Variants in PAPPA observed in about 807,000 individuals in gnomAD.
The protein encoded by PAPPA is pappalysin 1, also known as pappalysin-1.
PAPPA carries 60 observed loss-of-function variants against 164.0 expected under a neutral mutation model. The ratio of observed to expected loss-of-function variants is 0.37; its 90% confidence interval spans 0.30 to 0.45. The LOEUF is 0.45. PAPPA is among the 20% of genes least tolerant of loss of function. The pLI, the probability that PAPPA is intolerant of heterozygous loss-of-function variation, is 1.00. For synonymous variants in PAPPA, 875 were observed against 814.1 expected (o/e 1.07, Z -1.27); for missense variants, 1,782 against 2,087.3 (o/e 0.85, Z 2.85).
At chr9:116,322,359 G>A (rs2118929739) in intron 10 of PAPPA, among the ~76,000 whole-genome samples, 1 of 144,804 alleles carries the variant, frequency 6.9e-6, no homozygotes, top group Non-Finnish European at 1.5e-5. Flanking sequence ...GCAGTGAGCT[G>A]AGATCGTGCC....
chr9:116,261,106 G>A (rs1371402631), intron 7 of PAPPA, among the ~76,000 whole-genome samples: 2 of 152,198 alleles, frequency 1.3e-5, no homozygotes, highest in South Asian at 2.1e-4. Context: ...ATCTCACAAG[G>A]AGGATAATTA....
intron 10 of PAPPA, among the ~76,000 whole-genome samples, chr9:116,315,623 A>T (rs1845778631): frequency 6.6e-6 from 1 of 152,164 alleles, no homozygotes; most frequent in South Asian, 2.1e-4. Flanking sequence ...TCCTACAGAG[A>T]TGGATGGAAA....
chr9:116,339,831 A>G (rs1035839394), intron 13 of PAPPA, among the ~76,000 whole-genome samples: 1 of 152,076 alleles, frequency 6.6e-6, no homozygotes, highest in Non-Finnish European at 1.5e-5. Context: ...CTCTCCAGCT[A>G]TCCTCTGTTA....
chr9:116,250,012 TA>T (rs1844841165), intron 7 of PAPPA, among the ~76,000 whole-genome samples: 1 of 129,342 alleles, frequency 7.7e-6, no homozygotes, highest in African/African-American at 2.8e-5. Context: ...AGTACCTGCA[TA>T]TGTGTGTGTG....
intron 2 of PAPPA, among the ~76,000 whole-genome samples, chr9:116,206,593 CT>C (rs1429595153): frequency 2.6e-5 from 4 of 152,118 alleles, no homozygotes; most frequent in Admixed American, 2.0e-4. Context: ...GTGCGGAGAA[CT>C]GGGTAAACAG....
At position 116,154,239 on chromosome 9, in the gene PAPPA, G is replaced by A. The variant is rs760431203; in HGVS notation, c.67G>A (p.Glu23Lys). 13 of 1,412,104 alleles carry A rather than the reference G, an allele frequency of 9.2e-6. No individual in the cohort carries two copies. Among genetic ancestry groups the A allele is most frequent in the South Asian group, 3.8e-5 (3 of 78,126 alleles). The allele number at this position is 1,412,104 out of a possible 1,614,324, so 87.5% of individuals were successfully genotyped here. A position where few individuals can be genotyped will look rare whatever the true frequency, so the allele number is the denominator to read the frequency against. ...CGCCGCGCTGGGCTGCGGGCTGGCC[G>A]AGCGTCCCCGCCGGGCCCGGAGAGA... ...LSAALGCGLA[E>K]RPRRARRDPR... Residue 23 changes from glutamate (E) to lysine (K), a missense_variant, in exon 1 of 22, where the codon GAG becomes AAG. Transcript: ENST00000328252. The surrounding 1 kb of genome is among the most constrained non-coding windows in gnomAD (Gnocchi z 5.2).
chr9:116,238,609 T>G (rs1328908861), intron 7 of PAPPA, among the ~76,000 whole-genome samples: 1 of 152,194 alleles, frequency 6.6e-6, no homozygotes, highest in Non-Finnish European at 1.5e-5. Flanking sequence ...TCATCAGTAG[T>G]GAGGTCGACA....
chr9:116,288,656 A>G (rs1452137173), intron 9 of PAPPA: 2 of 152,170 alleles, frequency 1.3e-5, no homozygotes, highest in Non-Finnish European at 2.9e-5. Flanking sequence ...CATTCATTAC[A>G]TAAGAAAAAG....
rs780338035 is a variant in PAPPA at position 116,207,446 on chromosome 9, T to A, written c.1479-10T>A. ...GCATGATAACAGCCAAGGTTCTTTT[T>A]CTGTTTCAGAGCCTACTTGGATGTT... On this transcript the variant is annotated splice_polypyrimidine_tract_variant and intron_variant, in intron 2 of 21. Transcript: ENST00000328252. 1.1e-5 allele frequency: 17 copies of A among 1,601,202 alleles called. No individual in the cohort carries two copies. Among genetic ancestry groups the A allele is most frequent in the Non-Finnish European group, 1.4e-5 (17 of 1,173,750 alleles).
intron 9 of PAPPA, among the ~76,000 whole-genome samples, chr9:116,272,859 A>C (rs1402734956): frequency 6.6e-6 from 1 of 152,192 alleles, no homozygotes; most frequent in Non-Finnish European, 1.5e-5. Context: ...AAAGCTGGCC[A>C]AGTGGCTTCC....
chr9:116,218,562 C>T (rs1312243963), intron 4 of PAPPA, among the ~76,000 whole-genome samples: 1 of 152,030 alleles, frequency 6.6e-6, no homozygotes, highest in Non-Finnish European at 1.5e-5. Context: ...AAGCGTTCTC[C>T]CTCAGAACCA....
intron 6 of PAPPA, among the ~76,000 whole-genome samples, chr9:116,234,788 G>C (rs961359963): frequency 3.9e-5 from 6 of 152,248 alleles, no homozygotes; most frequent in African/African-American, 1.4e-4. Context: ...TAAAGTTCAG[G>C]GGACACAGTG....
At chr9:116,199,212 A>G (rs1054860080) in intron 2 of PAPPA, among the ~76,000 whole-genome samples, 2 of 152,172 alleles carry the variant, frequency 1.3e-5, no homozygotes, top group Non-Finnish European at 2.9e-5. Flanking sequence ...CCAATCCACA[A>G]GGAGCTGAAG....
rs533127163 is a variant in PAPPA, at chr9:116,235,629, C to T, written c.2724C>T (p.Phe908=). ...CCATCCTACATCTCAATAGGAAATT[C>T]GTAGACATGTAAGTGCATTCTCTGA... is the stretch of plus-strand genomic sequence containing the variant. ...VASILHLNRK[F]VDMDLNLGSV... is the part of the protein sequence containing the mutation. Residue 908 remains phenylalanine (F), a synonymous_variant, in exon 7 of 22, where the codon TTC becomes TTT. Coordinates refer to ENST00000328252, the MANE Select transcript of PAPPA (RefSeq NM_002581.5). 41 of 1,613,016 alleles carry T rather than the reference C, an allele frequency of 2.5e-5. No homozygotes were observed. Among genetic ancestry groups the T allele is most frequent in the Admixed American group, 1.7e-4 (10 of 60,006 alleles).
At position 116,386,440 on chromosome 9, in the gene PAPPA, G is replaced by A. The variant is rs1292637642; in HGVS notation, c.4776+3947G>A. 5.3e-5 allele frequency among the ~76,000 whole-genome samples: 8 copies of A among 152,264 alleles called. No individual in the cohort carries two copies. In the South Asian group the frequency reaches 6.2e-4, roughly 12 times the overall value. ...CTATTGCATATTTCAGACACTCTGC[G>A]AGACACTTGGCCTCTGTTATCCTCT... On this transcript the variant is annotated intron_variant, in intron 21 of 21. Transcript: ENST00000328252.
At chr9:116,330,389 A>G (rs1286688617) in intron 10 of PAPPA, among the ~76,000 whole-genome samples, 4 of 152,266 alleles carry the variant, frequency 2.6e-5, no homozygotes, top group South Asian at 4.1e-4. Flanking sequence ...GCTCTTCAGC[A>G]TCTGTCTTTT....
At chr9:116,196,549 C>G (rs117879059) in intron 2 of PAPPA, among the ~76,000 whole-genome samples, 2 of 152,198 alleles carry the variant, frequency 1.3e-5, no homozygotes, top group African/African-American at 4.8e-5. Context: ...TTGGTTACAG[C>G]TCAGCTTGTT....
chr9:116,227,987 C>T (rs1479460209), intron 6 of PAPPA, among the ~76,000 whole-genome samples: 1 of 152,182 alleles, frequency 6.6e-6, no homozygotes, highest in East Asian at 1.9e-4. Context: ...AGCACTTTCA[C>T]ATGTGTTGCA....
At chr9:116,240,622 T>C (rs1343354437) in intron 7 of PAPPA, among the ~76,000 whole-genome samples, 2 of 152,216 alleles carry the variant, frequency 1.3e-5, no homozygotes, top group Non-Finnish European at 2.9e-5. Flanking sequence ...CTAGGGACTT[T>C]ACATAGATAA....
Sources: gnomAD v4.1 joint callset for allele counts (sites outside exome capture counted in the v4.1 genomes callset) on GRCh38, gnomAD v4.1.1 for gene constraint, Gnocchi (gnomAD v3.1) non-coding constraint, MANE v1.5 for transcripts, NCBI Gene and HGNC (gene_info 2026-07-23, HGNC 2026-07-21) for gene names.